LMBR1: variants seen among roughly 807,000 people sequenced by gnomAD.
The protein encoded by LMBR1 is limb region 1 protein homolog.
Under a neutral mutation model 73.9 loss-of-function variants are expected in LMBR1, and 52 were observed. The observed-to-expected ratio is 0.70, with a 90% CI of 0.56 to 0.89. The LOEUF (loss-of-function observed/expected upper bound fraction) is 0.89, where lower values mean the gene tolerates loss of function less well. LMBR1 is among the 40% of genes least tolerant of loss of function. LMBR1 has a pLI of 0.00. For missense variants in LMBR1, 539 were observed against 579.8 expected, an observed-to-expected ratio of 0.93 and a Z score of 0.72; for synonymous variants, 215 against 209.4, an observed-to-expected ratio of 1.03 and a Z score of -0.23.
chr7:156,765,672 T>C (rs1231242904), intron 5 of LMBR1, among the ~76,000 whole-genome samples: 1 of 152,172 alleles, frequency 6.6e-6, no homozygotes, highest in Non-Finnish European at 1.5e-5. Flanking sequence ...AGTCTATCAA[T>C]AAACAGACAA....
At chr7:156,695,275 C>A (rs1165149054) in intron 15 of LMBR1, among the ~76,000 whole-genome samples, 4 of 152,238 alleles carry the variant, frequency 2.6e-5, no homozygotes, top group Admixed American at 2.6e-4. Context: ...TACCACTACA[C>A]TCCAGCCTGG....
chr7:156,676,036 C>G (rs1803911194), downstream of LMBR1, among the ~76,000 whole-genome samples: 1 of 151,698 alleles, frequency 6.6e-6, no homozygotes, highest in South Asian at 2.1e-4. Flanking sequence ...GTCGAGGACT[C>G]ACTTTGGGAA....
chr7:156,880,019 G>T (rs578125163), intron 1 of LMBR1, among the ~76,000 whole-genome samples: 2 of 152,268 alleles, frequency 1.3e-5, no homozygotes, highest in East Asian at 3.9e-4. Flanking sequence ...CAGAGGAAAA[G>T]AAGTCATTAT....
chr7:156,741,466 C>T (rs1021952939), intron 9 of LMBR1, among the ~76,000 whole-genome samples: 1 of 152,078 alleles, frequency 6.6e-6, no homozygotes, highest in Non-Finnish European at 1.5e-5. Context: ...AAAAGATATT[C>T]CATGCTAATG....
intron 7 of LMBR1, 84 bp downstream of exon 7, chr7:156,763,024 A>C (rs1228474384): frequency 1.3e-5 from 9 of 710,948 alleles, no homozygotes; most frequent in Non-Finnish European, 2.2e-5. Flanking sequence ...ATAGTTAAGA[A>C]ATCTCATCAG....
chr7:156,880,304 G>A (rs1328692633), intron 1 of LMBR1, among the ~76,000 whole-genome samples: 2 of 152,172 alleles, frequency 1.3e-5, no homozygotes, highest in East Asian at 3.9e-4. Context: ...CTACGATGAT[G>A]CAAAGGCATA....
intron 1 of LMBR1, among the ~76,000 whole-genome samples, chr7:156,851,190 G>T (rs944019898): frequency 6.6e-6 from 1 of 152,096 alleles, no homozygotes; most frequent in African/African-American, 2.4e-5. Context: ...TTCCTTTACA[G>T]CAACGCAAAA....
At position 156,762,134 on chromosome 7, in the gene LMBR1, T is replaced by A; in HGVS notation, c.684A>T (p.Thr228=). ...TVMGQLLVKP[T]ILEDLDEQIY... ...AAATGATTTATAATTAAATACTTACTGTTGGCTTCACTAGCAACTGACCCA... is the reference window on the plus strand; with the variant it reads ...AAATGATTTATAATTAAATACTTACAGTTGGCTTCACTAGCAACTGACCCA... Residue 228 remains threonine (T), a splice_region_variant and synonymous_variant, in exon 8 of 17, where the codon ACA becomes ACT. Transcript: ENST00000353442. 1 of 1,571,408 alleles carries A rather than the reference T, an allele frequency of 6.4e-7. No individual in the cohort carries two copies. The highest frequency in any genetic ancestry group is 1.7e-4 in the Middle Eastern group (1 of 5,980).
chr7:156,710,746 A>G (rs1044874717), intron 15 of LMBR1, among the ~76,000 whole-genome samples: 7 of 152,250 alleles, frequency 4.6e-5, no homozygotes, highest in Non-Finnish European at 7.3e-5. Flanking sequence ...AAAACGAAGG[A>G]AAGAATCTTA....
intron 1 of LMBR1, among the ~76,000 whole-genome samples, chr7:156,845,611 G>C (rs1163634565): frequency 6.6e-6 from 1 of 151,778 alleles, no homozygotes; most frequent in Non-Finnish European, 1.5e-5. Context: ...AATAAACAGA[G>C]ACATACCAGA....
Position 156,683,994 on chromosome 7 carries a change from T to C in LMBR1, c.*84A>G, listed in dbSNP as rs1312325256. The C allele has an allele frequency of 8.8e-7, 1 of 1,140,838 alleles. No individual in the cohort carries two copies. The highest frequency in any genetic ancestry group is 1.3e-6 in the Non-Finnish European group (1 of 766,070). The allele number at this position is 1,140,838 out of a possible 1,614,324, so 70.7% of individuals were successfully genotyped here. A position where few individuals can be genotyped will look rare whatever the true frequency, so the allele number is the denominator to read the frequency against. ...GTTCTGAAGAGGGGCCACGGTTGAA[T>C]GGAAATGCTTCTACATGGGACAGGA... On this transcript the variant is annotated 3_prime_UTR_variant, in exon 17 of 17. Coordinates refer to ENST00000353442, the MANE Select transcript of LMBR1 (RefSeq NM_022458.4).
At chr7:156,746,423 A>G (rs540768545) in intron 9 of LMBR1, among the ~76,000 whole-genome samples, 1 of 152,302 alleles carries the variant, frequency 6.6e-6, no homozygotes, top group South Asian at 2.1e-4. Flanking sequence ...AAAAATGCCT[A>G]CTTTGTGGGT....
rs187167810 is a variant in LMBR1 at position 156,679,877 on chromosome 7, T to A, written c.*4201A>T. The A allele has an allele frequency of 6.6e-6, 1 of 152,344 alleles. No individual in the cohort carries two copies. The highest frequency in any genetic ancestry group is 2.4e-5 in the African/African-American group (1 of 41,582). The allele number at this position is 152,344 out of a possible 1,614,324, so 9.4% of individuals were successfully genotyped here. On this transcript the variant is annotated 3_prime_UTR_variant, in exon 17 of 17. Transcript: ENST00000353442. The stretch of plus-strand genomic sequence containing the variant: ...GTTTTGTGTGAAGTTCCTATTTGAT[T>A]ATAGTTAACCTTGAAAAAATTTTTT...
At chr7:156,725,414 T>A in intron 14 of LMBR1, 21 bp downstream of exon 14, 1 of 1,468,028 alleles carries the variant, frequency 6.8e-7, no homozygotes, top group Non-Finnish European at 9.4e-7. Flanking sequence ...GAGGCCACAG[T>A]CACCTAAGAT....
intron 1 of LMBR1, among the ~76,000 whole-genome samples, chr7:156,874,211 G>A (rs1471907269): frequency 6.6e-6 from 1 of 152,266 alleles, no homozygotes; most frequent in Non-Finnish European, 1.5e-5. Flanking sequence ...GGCACCGCTG[G>A]AGACCCAGCA....
intron 5 of LMBR1, among the ~76,000 whole-genome samples, chr7:156,778,156 T>C (rs1413567460): frequency 2.0e-5 from 3 of 152,222 alleles, no homozygotes; most frequent in African/African-American, 7.2e-5. Context: ...ATCATATAAA[T>C]TGTTCAAAAA....
chr7:156,817,369 T>C (rs191063313), intron 4 of LMBR1, among the ~76,000 whole-genome samples: 1 of 152,208 alleles, frequency 6.6e-6, no homozygotes, highest in East Asian at 1.9e-4. Context: ...AAAAAGCAAT[T>C]TACACAATTT....
Position 156,792,154 on chromosome 7 carries a change from C to A in LMBR1, c.423+4235G>T, listed in dbSNP as rs368391805. On this transcript the variant is annotated intron_variant, in intron 5 of 16. Transcript: ENST00000353442. Reference sequence around the variant, plus strand: ...ATATTAATCCAGATAACCTGGAGGTCTTTTCTGGAGTGGAGGAGGGAGATA... The same window carrying A: ...ATATTAATCCAGATAACCTGGAGGTATTTTCTGGAGTGGAGGAGGGAGATA... 1.7e-3 allele frequency among the ~76,000 whole-genome samples: 261 copies of A among 152,238 alleles called. 12 individuals carry two copies. In the South Asian group the frequency reaches 0.053, roughly 31 times the overall value.
intron 3 of LMBR1, among the ~76,000 whole-genome samples, chr7:156,830,629 T>C (rs6949872): frequency 0.02 from 3,056 of 152,354 alleles, 106 homozygotes; most frequent in African/African-American, 0.069. Context: ...ATCTGTGAAA[T>C]GTTGGCATAC....
Sources: allele counts gnomAD v4.1 joint callset (sites outside exome capture counted in the v4.1 genomes callset), GRCh38; gene constraint gnomAD v4.1.1; transcripts MANE v1.5; gene names NCBI Gene and HGNC (gene_info 2026-07-23, HGNC 2026-07-21).